Variants in LSAMP observed in about 807,000 individuals in gnomAD.
The protein encoded by LSAMP is limbic system associated membrane protein, also known as limbic system-associated membrane protein.
In LSAMP, 7 loss-of-function variants were observed where a neutral mutation model predicts 38.6. That is an observed-to-expected ratio of 0.18 (90% CI 0.10 to 0.34). The LOEUF is 0.34. Among genes scored for constraint, LSAMP ranks in the 10% least tolerant of loss-of-function variants. The pLI is 1.00. For synonymous variants in LSAMP, 154 were observed against 166.8 expected, an observed-to-expected ratio of 0.92 and a Z score of 0.59; for missense variants, 313 against 420.0, an observed-to-expected ratio of 0.75 and a Z score of 2.23.
intron 1 of LSAMP, among the ~76,000 whole-genome samples, chr3:116,409,414 A>T (rs140079219): frequency 1.9e-4 from 29 of 152,184 alleles, no homozygotes; most frequent in African/African-American, 7.2e-5. Context: ...GTTTTCACTC[A>T]TCCCATTTCC....
Position 115,832,145 on chromosome 3 carries a change from A to C in LSAMP, c.919+9700T>G, listed in dbSNP as rs143005381. ...CCATGTAGAGTGGGGATAGGAGGGA[A>C]GATCCTCCAATGAGAGATATTAATA... On this transcript the variant is annotated intron_variant, in intron 6 of 6. Coordinates refer to ENST00000490035, the MANE Select transcript of LSAMP (RefSeq NM_002338.5). 2.0e-3 allele frequency among the ~76,000 whole-genome samples: 299 copies of C among 152,312 alleles called. 4 individuals carry two copies. Among genetic ancestry groups the C allele is most frequent in the African/African-American group, 6.6e-3 (273 of 41,574 alleles).
chr3:115,978,031 A>C lies in LSAMP; in HGVS notation c.514+41484T>G, dbSNP rs192739083. On this transcript the variant is annotated intron_variant, in intron 3 of 6. Coordinates refer to ENST00000490035, the MANE Select transcript of LSAMP (RefSeq NM_002338.5). The stretch of plus-strand genomic sequence containing the variant: ...CTTCCTTTCTCTTTCTATCTTTTGA[A>C]ACACGGTCTCTCTGTTGCCCCTGCT... 2.1e-3 allele frequency among the ~76,000 whole-genome samples: 325 copies of C among 151,940 alleles called. 2 individuals are homozygous for C. The highest frequency in any genetic ancestry group is 7.1e-3 in the African/African-American group (295 of 41,424).
At chr3:115,855,770 C>A in intron 3 of LSAMP, among the ~76,000 whole-genome samples, 1 of 152,172 alleles carries the variant, frequency 6.6e-6, no homozygotes, top group East Asian at 1.9e-4. Flanking sequence ...ACCCAAGGGT[C>A]CTGCCAATAT....
At chr3:116,375,677 A>C (rs1022113501) in intron 1 of LSAMP, among the ~76,000 whole-genome samples, 3 of 151,940 alleles carry the variant, frequency 2.0e-5, no homozygotes, top group Non-Finnish European at 4.4e-5. Flanking sequence ...TGTAATATCT[A>C]TAAGATATTG....
intron 3 of LSAMP, among the ~76,000 whole-genome samples, chr3:115,955,948 A>AT (rs1447133219): frequency 4.6e-5 from 7 of 152,112 alleles, no homozygotes; most frequent in African/African-American, 2.4e-5. Flanking sequence ...AGCATCAGGC[A>AT]TTTTTTTAAA....
chr3:116,322,365 T>C (rs2047716781), intron 1 of LSAMP, among the ~76,000 whole-genome samples: 1 of 152,228 alleles, frequency 6.6e-6, no homozygotes. Context: ...ATAGGCCTGC[T>C]TATTCAACCA....
In LSAMP at chr3:115,895,496, A is replaced by G. The variant is rs567511520; in HGVS notation, c.515-42879T>C. 9.2e-5 allele frequency among the ~76,000 whole-genome samples: 14 copies of G among 152,222 alleles called. No homozygotes were observed. In the East Asian group the frequency reaches 2.5e-3, roughly 27 times the overall value. On this transcript the variant is annotated intron_variant, in intron 3 of 6. Transcript: ENST00000490035. ...TGTGGTTTCCAGATTTAGTAAACAAAAATACAAACAGCCCAGCTAAATTTG... is the reference window on the plus strand; with the variant it reads ...TGTGGTTTCCAGATTTAGTAAACAAGAATACAAACAGCCCAGCTAAATTTG...
At chr3:116,359,062 T>C (rs2048265969) in intron 1 of LSAMP, among the ~76,000 whole-genome samples, 1 of 152,216 alleles carries the variant, frequency 6.6e-6, no homozygotes, top group Non-Finnish European at 1.5e-5. Flanking sequence ...AAAAGTTTTC[T>C]TGATTTGACC....
intron 3 of LSAMP, among the ~76,000 whole-genome samples, chr3:115,909,257 T>C (rs1937082599): frequency 6.6e-6 from 1 of 152,198 alleles, no homozygotes; most frequent in Non-Finnish European, 1.5e-5. Flanking sequence ...TTCTAGAGTT[T>C]TGATTCTCTG....
chr3:116,376,672 T>C (rs1256704175), intron 1 of LSAMP, among the ~76,000 whole-genome samples: 4 of 152,060 alleles, frequency 2.6e-5, no homozygotes, highest in African/African-American at 7.2e-5. Context: ...CCAGATTAGG[T>C]ATTTTTTACT....
intron 1 of LSAMP, among the ~76,000 whole-genome samples, chr3:116,130,987 CTTTTTTTTTTTTT>C (rs148232332): frequency 8.9e-6 from 1 of 112,654 alleles, no homozygotes; most frequent in Non-Finnish European, 1.7e-5. Flanking sequence ...AGGTTCCACA[CTTTTTTTTTTTTT>C]TTTTTTTTGA....
chr3:115,931,132 C>T (rs1017688599), intron 3 of LSAMP, among the ~76,000 whole-genome samples: 4 of 152,242 alleles, frequency 2.6e-5, no homozygotes, highest in Non-Finnish European at 4.4e-5. Flanking sequence ...CCCACTTCCT[C>T]CTTCCACCCG....
intron 6 of LSAMP, among the ~76,000 whole-genome samples, chr3:115,840,940 C>T (rs191018915): frequency 1.8e-4 from 27 of 152,194 alleles, no homozygotes; most frequent in South Asian, 4.1e-4. Context: ...GCTAACTTTT[C>T]GGTTTGTTTT....
intron 1 of LSAMP, among the ~76,000 whole-genome samples, chr3:116,191,997 T>C (rs1330044140): frequency 6.6e-6 from 1 of 150,944 alleles, no homozygotes; most frequent in Non-Finnish European, 1.5e-5. Context: ...CACAAATATC[T>C]GTCTGAATTT....
intron 3 of LSAMP, among the ~76,000 whole-genome samples, chr3:115,946,624 C>T (rs761100398): frequency 3.9e-5 from 6 of 152,106 alleles, no homozygotes; most frequent in Non-Finnish European, 7.4e-5. Flanking sequence ...TATCTATTTA[C>T]AAAATTTAAT....
At chr3:116,000,296 C>T (rs755482607) in intron 3 of LSAMP, among the ~76,000 whole-genome samples, 10 of 152,002 alleles carry the variant, frequency 6.6e-5, no homozygotes, top group East Asian at 1.9e-4. Flanking sequence ...AACAACCTGA[C>T]GATACAAGAA....
chr3:116,165,479 A>G (rs1469720324), intron 1 of LSAMP, among the ~76,000 whole-genome samples: 1 of 152,206 alleles, frequency 6.6e-6, no homozygotes, highest in African/African-American at 2.4e-5. Flanking sequence ...GCAAAGCGCA[A>G]TGAGGTAGAT....
intron 1 of LSAMP, among the ~76,000 whole-genome samples, chr3:116,406,019 G>T (rs972373581): frequency 3.9e-5 from 6 of 152,060 alleles, no homozygotes; most frequent in African/African-American, 1.4e-4. Context: ...TCACTTTGCT[G>T]CAAATTCAAA....
At chr3:116,159,346 A>C (rs1201678330) in intron 1 of LSAMP, among the ~76,000 whole-genome samples, 3 of 152,210 alleles carry the variant, frequency 2.0e-5, no homozygotes, top group Non-Finnish European at 4.4e-5. Context: ...AAATATTTGC[A>C]AAGTATGCAT....
Sources: gnomAD v4.1 joint callset for allele counts (sites outside exome capture counted in the v4.1 genomes callset) on GRCh38, gnomAD v4.1.1 for gene constraint, MANE v1.5 for transcripts, NCBI Gene and HGNC (gene_info 2026-07-23, HGNC 2026-07-21) for gene names.